The following ITGA2 variants were observed in gnomAD, a reference collection of about 807,000 sequenced individuals.
The protein encoded by ITGA2 is integrin alpha-2.
A neutral mutation model predicts 146.3 loss-of-function variants in ITGA2; 101 were observed. The ratio of observed to expected loss-of-function variants is 0.69; its 90% CI spans 0.59 to 0.81. The LOEUF (loss-of-function observed/expected upper bound fraction) is 0.81, where lower values mean the gene tolerates loss of function less well. ITGA2 is among the 40% of genes least tolerant of loss of function. The pLI is 0.00. For synonymous variants in ITGA2, 477 were observed against 487.1 expected, an observed-to-expected ratio of 0.98 and a Z score of 0.27; for missense variants, 1,281 against 1,402.7, an observed-to-expected ratio of 0.91 and a Z score of 1.39.
intron 17 of ITGA2, among the ~76,000 whole-genome samples, chr5:53,070,815 T>C (rs1259695025): frequency 2.0e-5 from 3 of 151,958 alleles, no homozygotes; most frequent in Non-Finnish European, 2.9e-5. Flanking sequence ...GAAATTTATT[T>C]TATAAATGAT....
At chr5:53,060,191 G>T (rs1193623344) in intron 11 of ITGA2, among the ~76,000 whole-genome samples, 179 bp downstream of exon 11, 2 of 151,954 alleles carry the variant, frequency 1.3e-5, no homozygotes, top group Admixed American at 1.3e-4. Flanking sequence ...CTACTTATTG[G>T]AATACTATAT....
intron 1 of ITGA2, among the ~76,000 whole-genome samples, chr5:53,001,319 G>A (rs980865049): frequency 6.6e-6 from 1 of 152,176 alleles, no homozygotes; most frequent in African/African-American, 2.4e-5. Context: ...CAGTGCCCTG[G>A]AGGTACTAGA....
intron 1 of ITGA2, among the ~76,000 whole-genome samples, chr5:52,997,382 C>CACTG (rs1741319769): frequency 6.6e-6 from 1 of 152,108 alleles, no homozygotes; most frequent in Non-Finnish European, 1.5e-5. Flanking sequence ...AACTCCTGAC[C>CACTG]ACTGAAAGGC....
In ITGA2 at chr5:53,065,087, A is replaced by G. The variant is rs776638659; in HGVS notation, c.1778A>G (p.Gln593Arg). The G allele has an allele frequency of 6.2e-7, 1 of 1,612,692 alleles. No individual in the cohort carries two copies. The highest frequency in any genetic ancestry group is 8.5e-7 in the Non-Finnish European group (1 of 1,179,114). ...GCTGTATACATTTACAATGGTCATC[A>G]GGGCACTATCCGCACAAAGTATTCC... Reference protein sequence around the residue: ...SGAVYIYNGHQGTIRTKYSQK... With the variant: ...SGAVYIYNGHRGTIRTKYSQK... The change falls in exon 14 of 30, where the codon CAG becomes CGG. Residue 593 changes from glutamine to arginine, a missense_variant. By Grantham distance (43) the Gln-to-Arg change is conservative. Coordinates refer to ENST00000296585, the MANE Select transcript of ITGA2 (RefSeq NM_002203.4).
rs1260684780 is a variant in ITGA2 at position 53,067,144 on chromosome 5, T to C, written c.1970T>C (p.Ile657Thr). The C allele has an allele frequency of 6.2e-7, 1 of 1,610,978 alleles. No individual in the cohort carries two copies. Reference sequence around the variant, plus strand: ...TCACAAAGTATTGCTGATGTAGCTATAGAAGCTTCATTCACACCAGAAAAA... The same window carrying C: ...TCACAAAGTATTGCTGATGTAGCTACAGAAGCTTCATTCACACCAGAAAAA... The part of the protein sequence containing the change: ...LWSQSIADVA[I>T]EASFTPEKIT... The change falls in exon 16 of 30, where the codon ATA (isoleucine) becomes ACA (threonine). Residue 657 changes from isoleucine (I) to threonine (T), a missense_variant. Physicochemically the swap from Ile to Thr is moderately conservative, Grantham distance 89 (BLOSUM62 -1). This residue lies in a region of ITGA2 where 795 missense variants were observed against 841.7 expected (regional missense o/e 0.94). Transcript: ENST00000296585.
chr5:53,044,352 A>AATC (rs1561117035), intron 3 of ITGA2, among the ~76,000 whole-genome samples: 1 of 149,910 alleles, frequency 6.7e-6, no homozygotes, highest in African/African-American at 2.5e-5. Context: ...TAAGGGAAGG[A>AATC]ATCCAATTAA....
chr5:53,089,257 G>C (rs1244159431), intron 28 of ITGA2: 2 of 151,994 alleles, frequency 1.3e-5, no homozygotes, highest in Non-Finnish European at 2.9e-5. Context: ...TTTCTAAAGA[G>C]AATGCTTGAG....
intron 10 of ITGA2, 58 bp downstream of exon 10, chr5:53,058,159 C>A: frequency 8.0e-7 from 1 of 1,249,794 alleles, no homozygotes; most frequent in Non-Finnish European, 1.2e-6. Flanking sequence ...CTTCCAGACA[C>A]AGTAGCCTTA....
chr5:53,028,579 A>G (rs959081803), intron 2 of ITGA2, among the ~76,000 whole-genome samples: 12 of 152,212 alleles, frequency 7.9e-5, no homozygotes, highest in Admixed American at 4.6e-4. Context: ...TGAAGTAGCT[A>G]ATGACCCACA....
At chr5:53,026,698 C>T in intron 1 of ITGA2, 50 bp from the exon 2 acceptor site, 1 of 1,519,558 alleles carries the variant, frequency 6.6e-7, no homozygotes, top group Non-Finnish European at 9.1e-7. Flanking sequence ...ATACGACACA[C>T]TTATATTCAT....
chr5:53,057,681 A>G (rs952951050), intron 9 of ITGA2, among the ~76,000 whole-genome samples: 1 of 152,008 alleles, frequency 6.6e-6, no homozygotes, highest in African/African-American at 2.4e-5. Flanking sequence ...TTTTTAAAAA[A>G]TTATCATCTC....
At chr5:53,066,082 G>T in intron 15 of ITGA2, 105 bp downstream of exon 15, 1 of 1,050,220 alleles carries the variant, frequency 9.5e-7, no homozygotes, top group Non-Finnish European at 1.5e-6. Context: ...CATTCTATAA[G>T]ACTATAGGGA....
In ITGA2 at chr5:53,044,598, C is replaced by G. The variant is rs528420664; in HGVS notation, c.296-403C>G. On this transcript the variant is annotated intron_variant, in intron 3 of 29. Transcript: ENST00000296585. Reference sequence around the variant, plus strand: ...GAGCCAGATTCTATCATAGGGCATTCTTTGATAACACTTCAAGGATATTTT... The same window carrying G: ...GAGCCAGATTCTATCATAGGGCATTGTTTGATAACACTTCAAGGATATTTT... Among the ~76,000 whole-genome samples, 6 of 151,164 alleles carry G rather than the reference C, an allele frequency of 4.0e-5. No individual in the cohort carries two copies. In the East Asian group the frequency reaches 9.8e-4, roughly 25 times the overall value.
chr5:53,074,465 GAGAGAACAA>G lies in ITGA2; in HGVS notation c.2653_2661del (p.Arg885_Gln887del), dbSNP rs1745562560. 1 of 1,611,922 alleles carries G rather than the reference GAGAGAACAA, an allele frequency of 6.2e-7. No homozygotes were observed. Among genetic ancestry groups the G allele is most frequent in the East Asian group, 2.2e-5 (1 of 44,778 alleles). ...GCGATGTAGGCTACCCTGCTTTAAAGAGAGAACAACAGGTACAACTTGCATTTCATCCTC... is the reference window on the plus strand; with the variant it reads ...GCGATGTAGGCTACCCTGCTTTAAAGCAGGTACAACTTGCATTTCATCCTC... On this transcript the variant is annotated inframe_deletion, in exon 21 of 30. Coordinates refer to ENST00000296585, the MANE Select transcript of ITGA2 (RefSeq NM_002203.4).
At chr5:52,991,112 G>A (rs1740932731) in intron 1 of ITGA2, among the ~76,000 whole-genome samples, 2 of 152,128 alleles carry the variant, frequency 1.3e-5, no homozygotes, top group African/African-American at 4.8e-5. Context: ...GAGTTAATAA[G>A]GACACCTCAG....
chr5:53,053,116 C>T (rs1479994283), intron 7 of ITGA2, among the ~76,000 whole-genome samples: 1 of 152,128 alleles, frequency 6.6e-6, no homozygotes, highest in East Asian at 1.9e-4. Context: ...TTCCTTTATT[C>T]TTTCCACTCT....
At position 53,070,261 on chromosome 5, in the gene ITGA2, G is replaced by A; in HGVS notation, c.2235+1G>A. The A allele has an allele frequency of 1.9e-6, 3 of 1,611,408 alleles. No homozygotes were observed. The highest frequency in any genetic ancestry group is 2.5e-6 in the Non-Finnish European group (3 of 1,178,288). On this transcript the variant is annotated splice_donor_variant, in intron 17 of 29. Coordinates refer to ENST00000296585, the MANE Select transcript of ITGA2 (RefSeq NM_002203.4). LOFTEE classifies it high-confidence loss of function. ...CCCCGAGCACATCATTTATATACAG[G>A]TAAGGCCTCAGGAACATCCCTTTTG...
At chr5:53,057,942 G>T in intron 9 of ITGA2, 83 bp from the exon 10 acceptor site, 1 of 904,306 alleles carries the variant, frequency 1.1e-6, no homozygotes, top group South Asian at 1.3e-5. Context: ...GTAGGCATGT[G>T]TGTACATACG....
chr5:53,074,553 TG>T, intron 21 of ITGA2, 76 bp downstream of exon 21: 1 of 1,144,930 alleles, frequency 8.7e-7, no homozygotes, highest in South Asian at 1.3e-5. Flanking sequence ...CATAACATCT[TG>T]CTATCATGAT....
Sources: gnomAD v4.1 joint callset for allele counts (sites outside exome capture counted in the v4.1 genomes callset) on GRCh38, gnomAD v4.1.1 for gene constraint, gnomAD v4.1.1 regional missense constraint, MANE v1.5 for transcripts, NCBI Gene and HGNC (gene_info 2026-07-23, HGNC 2026-07-21) for gene names.